The following FAM171A1 variants were observed in gnomAD, a reference collection of about 807,000 sequenced individuals.
FAM171A1 encodes protein FAM171A1.
In FAM171A1, 23 loss-of-function variants were observed where a neutral mutation model predicts 74.9. The observed-to-expected ratio is 0.31, with a 90% CI of 0.22 to 0.44. FAM171A1 has a LOEUF of 0.44. Among genes scored for constraint, FAM171A1 ranks in the 20% least tolerant of loss-of-function variants. The pLI is 1.00. For synonymous variants in FAM171A1, 527 were observed against 505.7 expected (o/e 1.04, Z -0.57); for missense variants, 1,162 against 1,159.2 (o/e 1.00, Z -0.03).
intron 3 of FAM171A1, among the ~76,000 whole-genome samples, chr10:15,274,967 C>A (rs894703376): frequency 6.6e-6 from 1 of 152,100 alleles, no homozygotes; most frequent in African/African-American, 2.4e-5. Flanking sequence ...ATGGATGAAG[C>A]TGGAAACCAC....
chr10:15,276,748 G>A (rs914222328), intron 2 of FAM171A1, among the ~76,000 whole-genome samples: 13 of 152,026 alleles, frequency 8.6e-5, no homozygotes, highest in Admixed American at 2.6e-4. Context: ...GCAGTGGCAC[G>A]GTTAGAACTC....
chr10:15,321,058 G>A (rs1034933167), intron 1 of FAM171A1, among the ~76,000 whole-genome samples: 4 of 152,152 alleles, frequency 2.6e-5, no homozygotes, highest in African/African-American at 4.8e-5. Flanking sequence ...TTGACATCTG[G>A]TCATTTGGGG....
chr10:15,275,768 C>T, intron 3 of FAM171A1, 87 bp downstream of exon 3: 2 of 845,980 alleles, frequency 2.4e-6, no homozygotes, highest in Non-Finnish European at 3.6e-6. Flanking sequence ...TGTATACAAA[C>T]ATCACATCAC....
At chr10:15,301,955 A>C (rs762291376) in intron 1 of FAM171A1, among the ~76,000 whole-genome samples, 2 of 152,086 alleles carry the variant, frequency 1.3e-5, no homozygotes, top group African/African-American at 2.4e-5. Context: ...GGTCCTAGAG[A>C]AGAAATAGGG....
At position 15,214,092 on chromosome 10, in the gene FAM171A1, T is replaced by C; in HGVS notation, c.1496A>G (p.Glu499Gly). The C allele has an allele frequency of 1.9e-6, 3 of 1,614,196 alleles. No homozygotes were observed. The highest frequency in any genetic ancestry group is 2.5e-6 in the Non-Finnish European group (3 of 1,180,046). ...GGCTGGACCTTCTCTGTCCTGCTTTTCAAATAAAGGCTGTGAGAGCACGGT... is the reference window on the plus strand; with the variant it reads ...GGCTGGACCTTCTCTGTCCTGCTTTCCAAATAAAGGCTGTGAGAGCACGGT... ...YNTVLSQPLF[E>G]KQDREGPAST... Residue 499 changes from glutamate (E) to glycine (G), a missense_variant, in exon 8 of 8, where the codon GAA becomes GGA. Transcript: ENST00000378116.
At chr10:15,345,735 G>A (rs1360372356) in intron 1 of FAM171A1, among the ~76,000 whole-genome samples, 3 of 152,150 alleles carry the variant, frequency 2.0e-5, no homozygotes, top group African/African-American at 7.2e-5. Flanking sequence ...AAAGAGCAGG[G>A]TGCCCATCAA....
intron 1 of FAM171A1, among the ~76,000 whole-genome samples, chr10:15,368,172 A>T (rs923083484): frequency 6.6e-6 from 1 of 152,194 alleles, no homozygotes; most frequent in African/African-American, 2.4e-5. Context: ...AACAAAGCCA[A>T]CCCTTACCGT....
At chr10:15,225,012 T>C (rs968812046) in intron 5 of FAM171A1, among the ~76,000 whole-genome samples, 3 of 152,204 alleles carry the variant, frequency 2.0e-5, no homozygotes, top group Admixed American at 2.0e-4. Context: ...CCAGAGGCCT[T>C]TCTAGGACAC....
At chr10:15,304,526 C>T (rs973836967) in intron 1 of FAM171A1, among the ~76,000 whole-genome samples, 5 of 152,114 alleles carry the variant, frequency 3.3e-5, no homozygotes, top group Non-Finnish European at 5.9e-5. Flanking sequence ...ATTAGCCAAC[C>T]CTAAACCTGC....
intron 4 of FAM171A1, among the ~76,000 whole-genome samples, chr10:15,250,416 A>G (rs1834492854): frequency 6.6e-6 from 1 of 152,228 alleles, no homozygotes; most frequent in South Asian, 2.1e-4. Context: ...CAGGTCTACA[A>G]TCTACTGCTC....
At position 15,342,988 on chromosome 10, in the gene FAM171A1, T is replaced by C. The variant is rs1588563230; in HGVS notation, c.97+27968A>G. Among the ~76,000 whole-genome samples, 3 of 152,266 alleles carry C rather than the reference T, an allele frequency of 2.0e-5. No homozygotes were observed. In the South Asian group the frequency reaches 6.2e-4, roughly 32 times the overall value. ...TACCATGCACACCCCACATTGGCAC[T>C]GGGAGAACATTTCAAGACAGCACAA... On this transcript the variant is annotated intron_variant, in intron 1 of 7. Coordinates refer to ENST00000378116, the MANE Select transcript of FAM171A1 (RefSeq NM_001010924.2).
chr10:15,243,536 G>A (rs1834389757), intron 5 of FAM171A1, among the ~76,000 whole-genome samples: 2 of 152,002 alleles, frequency 1.3e-5, no homozygotes. Context: ...TAGTTACAGT[G>A]CACACAACCC....
intron 1 of FAM171A1, among the ~76,000 whole-genome samples, chr10:15,370,705 C>A (rs1245220766): frequency 6.6e-6 from 1 of 151,336 alleles, no homozygotes; most frequent in Non-Finnish European, 1.5e-5. Context: ...TGGAGCTGCC[C>A]GCGCCCCCGC....
chr10:15,321,669 CA>C (rs1411190483), intron 1 of FAM171A1, among the ~76,000 whole-genome samples: 1 of 152,210 alleles, frequency 6.6e-6, no homozygotes, highest in Non-Finnish European at 1.5e-5. Flanking sequence ...CATTCCTGGT[CA>C]GAAGCCTGAA....
intron 1 of FAM171A1, among the ~76,000 whole-genome samples, chr10:15,307,813 CTT>C (rs35420554): frequency 5.6e-5 from 8 of 142,554 alleles, no homozygotes; most frequent in Admixed American, 7.0e-5. Flanking sequence ...GAATTAATGC[CTT>C]TTTTTTTTTT....
At position 15,368,127 on chromosome 10, in the gene FAM171A1, T is replaced by C. The variant is rs550941123; in HGVS notation, c.97+2829A>G. Among the ~76,000 whole-genome samples, 63 of 152,318 alleles carry C rather than the reference T, an allele frequency of 4.1e-4. 2 individuals are homozygous for C. In the South Asian group the frequency reaches 0.012, roughly 30 times the overall value. ...ACTGAGAGGAAACACTTAATAAAAATAGTCATAGTCTAGAGCTAGTTCAAA... is the reference window on the plus strand; with the variant it reads ...ACTGAGAGGAAACACTTAATAAAAACAGTCATAGTCTAGAGCTAGTTCAAA... On this transcript the variant is annotated intron_variant, in intron 1 of 7. Transcript: ENST00000378116.
At chr10:15,347,979 T>G (rs1306453569) in intron 1 of FAM171A1, among the ~76,000 whole-genome samples, 2 of 152,008 alleles carry the variant, frequency 1.3e-5, no homozygotes, top group East Asian at 3.9e-4. Flanking sequence ...GAGAATGACA[T>G]TTTCTTTCTT....
At chr10:15,254,906 T>G (rs890190913) in intron 3 of FAM171A1, 27 bp from the exon 4 acceptor site, 1 of 1,602,812 alleles carries the variant, frequency 6.2e-7, no homozygotes, top group African/African-American at 1.3e-5. Context: ...CCGAGTTATC[T>G]CCCCCAGGAG....
chr10:15,233,766 G>T (rs1016872596), intron 5 of FAM171A1, among the ~76,000 whole-genome samples: 4 of 152,102 alleles, frequency 2.6e-5, no homozygotes, highest in African/African-American at 9.7e-5. Flanking sequence ...GCTGGGCATG[G>T]TGGCACATGC....
Sources: gnomAD v4.1 joint callset for allele counts (sites outside exome capture counted in the v4.1 genomes callset) on GRCh38, gnomAD v4.1.1 for gene constraint, MANE v1.5 for transcripts, NCBI Gene and HGNC (gene_info 2026-07-23, HGNC 2026-07-21) for gene names.